The following BMPR1B variants were observed in gnomAD, a reference collection of about 807,000 sequenced individuals.
BMPR1B encodes the protein bone morphogenetic protein receptor type-1B.
A neutral mutation model predicts 59.1 loss-of-function variants in BMPR1B; 12 were observed. The ratio of observed to expected loss-of-function variants is 0.20; its 90% confidence interval spans 0.13 to 0.33. BMPR1B has a LOEUF of 0.33. Among genes scored for constraint, BMPR1B ranks in the 10% least tolerant of loss-of-function variants. BMPR1B has a pLI of 1.00. For missense variants in BMPR1B, 550 were observed against 610.9 expected, an observed-to-expected ratio of 0.90 and a Z score of 1.05; for synonymous variants, 237 against 207.3, an observed-to-expected ratio of 1.14 and a Z score of -1.23.
intron 3 of BMPR1B, among the ~76,000 whole-genome samples, chr4:95,068,877 G>A (rs1160649879): frequency 6.6e-6 from 1 of 152,150 alleles, no homozygotes; most frequent in Non-Finnish European, 1.5e-5. Context: ...AGTACAGCAA[G>A]TCCTCACTTA....
chr4:94,970,941 C>G lies in BMPR1B; in HGVS notation c.-112-25099C>G, dbSNP rs530039292. Among the ~76,000 whole-genome samples, 35 of 152,304 alleles carry G rather than the reference C, an allele frequency of 2.3e-4. No homozygotes were observed. In the Middle Eastern group the frequency reaches 0.01, roughly 44 times the overall value. Reference sequence around the variant, plus strand: ...TAAATTCATTAAAATCAACTACCCACTATTTAATTGCTCCTAAGACACACA... The same window carrying G: ...TAAATTCATTAAAATCAACTACCCAGTATTTAATTGCTCCTAAGACACACA... On this transcript the variant is annotated intron_variant, in intron 2 of 12. Transcript: ENST00000515059.
intron 1 of BMPR1B, among the ~76,000 whole-genome samples, chr4:94,844,880 A>G (rs1474641984): frequency 6.6e-6 from 1 of 152,236 alleles, no homozygotes; most frequent in African/African-American, 2.4e-5. Context: ...AATTGATGAG[A>G]TTAATGAATG....
intron 2 of BMPR1B, among the ~76,000 whole-genome samples, chr4:94,988,556 T>C (rs1721548263): frequency 6.6e-6 from 1 of 152,216 alleles, no homozygotes; most frequent in Admixed American, 6.5e-5. Flanking sequence ...ACCCATTCTT[T>C]GCTATGGTTT....
chr4:95,068,174 T>C (rs1233742469), intron 3 of BMPR1B, among the ~76,000 whole-genome samples: 2 of 152,116 alleles, frequency 1.3e-5, no homozygotes, highest in African/African-American at 4.8e-5. Context: ...GTTTTTTTCC[T>C]GTGGGTGTGT....
chr4:94,979,609 A>G (rs1428911583), intron 2 of BMPR1B, among the ~76,000 whole-genome samples: 1 of 152,204 alleles, frequency 6.6e-6, no homozygotes, highest in African/African-American at 2.4e-5. Context: ...GTGAAGAAAA[A>G]TTACATCTCT....
At chr4:94,943,682 A>G (rs1237734972) in intron 2 of BMPR1B, among the ~76,000 whole-genome samples, 1 of 152,200 alleles carries the variant, frequency 6.6e-6, no homozygotes, top group Non-Finnish European at 1.5e-5. Context: ...ACTTTATAGC[A>G]TTGTTTCTCA....
intron 3 of BMPR1B, among the ~76,000 whole-genome samples, chr4:95,050,308 G>T (rs1292111629): frequency 6.6e-6 from 1 of 152,132 alleles, no homozygotes; most frequent in East Asian, 1.9e-4. Context: ...CGAGTAAGAT[G>T]CATGGCTTCT....
intron 3 of BMPR1B, among the ~76,000 whole-genome samples, chr4:95,058,788 T>C (rs1160754814): frequency 1.3e-5 from 2 of 152,218 alleles, no homozygotes; most frequent in East Asian, 1.9e-4. Flanking sequence ...TTTTCAAATC[T>C]GAAAAATTCA....
At chr4:94,826,804 A>G (rs1235689240) in intron 1 of BMPR1B, among the ~76,000 whole-genome samples, 1 of 152,170 alleles carries the variant, frequency 6.6e-6, no homozygotes, top group East Asian at 1.9e-4. Flanking sequence ...CAATAGTTTT[A>G]TATTAGTCGT....
intron 3 of BMPR1B, among the ~76,000 whole-genome samples, chr4:95,044,431 G>T (rs767761814): frequency 1.3e-5 from 2 of 152,142 alleles, no homozygotes; most frequent in Non-Finnish European, 2.9e-5. Context: ...AGTGCATAAT[G>T]TGTGAATACT....
intron 1 of BMPR1B, among the ~76,000 whole-genome samples, chr4:94,758,763 C>T (rs566548266): frequency 8.6e-5 from 13 of 152,004 alleles, no homozygotes; most frequent in African/African-American, 3.1e-4. Flanking sequence ...TTCTTCCTTT[C>T]TCCCTTCCTC....
At chr4:95,029,781 G>T (rs1336469907) in intron 3 of BMPR1B, among the ~76,000 whole-genome samples, 13 of 152,098 alleles carry the variant, frequency 8.5e-5, no homozygotes, top group South Asian at 4.1e-4. Context: ...CACCTGTTGT[G>T]TCCTGACTTT....
chr4:95,134,381 C>G lies in BMPR1B; in HGVS notation c.1076+2869C>G, dbSNP rs531538580. On this transcript the variant is annotated intron_variant, in intron 10 of 12. Transcript: ENST00000515059. ...TGATTTATAATCCTTTGGGTATATA[C>G]TCAGTAATGGGATGGCTGGGTCAAA... 3.3e-5 allele frequency among the ~76,000 whole-genome samples: 5 copies of G among 152,292 alleles called. No homozygotes were observed. In the East Asian group the frequency reaches 9.6e-4, roughly 29 times the overall value.
At chr4:94,842,503 C>G (rs549426598) in intron 1 of BMPR1B, among the ~76,000 whole-genome samples, 3 of 152,214 alleles carry the variant, frequency 2.0e-5, no homozygotes, top group East Asian at 1.9e-4. Context: ...TACATACAGT[C>G]TTTGGGATTA....
In BMPR1B at chr4:95,021,838, CT is replaced by C. The variant is rs1293269838; in HGVS notation, c.-18+25708del. Reference sequence around the variant, plus strand: ...AAATAGTTACAGACATACGTTTGTTCTTTTGAACTGGTCTATTCTCATGTAT... The same window carrying C: ...AAATAGTTACAGACATACGTTTGTTCTTTGAACTGGTCTATTCTCATGTAT... On this transcript the variant is annotated intron_variant, in intron 3 of 12. Transcript: ENST00000515059. Among the ~76,000 whole-genome samples, 7 of 152,138 alleles carry C rather than the reference CT, an allele frequency of 4.6e-5. No homozygotes were observed. The East Asian group carries it at 5.8e-4, about 13-fold the overall frequency.
intron 1 of BMPR1B, among the ~76,000 whole-genome samples, chr4:94,869,982 G>C (rs1726414602): frequency 1.3e-5 from 2 of 152,092 alleles, no homozygotes; most frequent in African/African-American, 2.4e-5. Flanking sequence ...CAAACTTTAT[G>C]GGCAATAGGG....
chr4:94,883,298 C>T (rs1727052386), intron 2 of BMPR1B, among the ~76,000 whole-genome samples: 1 of 152,148 alleles, frequency 6.6e-6, no homozygotes, highest in Non-Finnish European at 1.5e-5. Context: ...TAGCCCATAG[C>T]TTTATCAGAG....
At chr4:94,759,256 A>G (rs1398867888) in intron 1 of BMPR1B, among the ~76,000 whole-genome samples, 1 of 152,246 alleles carries the variant, frequency 6.6e-6, no homozygotes, top group African/African-American at 2.4e-5. Flanking sequence ...GTGCCAGTGA[A>G]AGACAACGGA....
Position 94,963,225 on chromosome 4 carries a change from T to G in BMPR1B, c.-112-32815T>G, listed in dbSNP as rs1362201112. Among the ~76,000 whole-genome samples, 3 of 152,216 alleles carry G rather than the reference T, an allele frequency of 2.0e-5. No homozygotes were observed. The East Asian group carries it at 5.8e-4, about 29-fold the overall frequency. On this transcript the variant is annotated intron_variant, in intron 2 of 12. Coordinates refer to ENST00000515059, the MANE Select transcript of BMPR1B (RefSeq NM_001203.3). ...GTTTTGCTTATTGAGTTTGAATTCC[T>G]TGTATCTTCTGGTTATTAATCCCTT...
Sources: gnomAD v4.1 joint callset for allele counts (sites outside exome capture counted in the v4.1 genomes callset) on GRCh38, gnomAD v4.1.1 for gene constraint, MANE v1.5 for transcripts, NCBI Gene and HGNC (gene_info 2026-07-23, HGNC 2026-07-21) for gene names.